The following TERB1 variants were observed in gnomAD, a reference collection of about 807,000 sequenced individuals.
TERB1 encodes telomere repeat binding bouquet formation protein 1.
A neutral mutation model predicts 92.3 loss-of-function variants in TERB1; 63 were observed. That is an observed-to-expected ratio of 0.68 (90% CI 0.56 to 0.84). The LOEUF is 0.84. TERB1 is among the 40% of genes least tolerant of loss of function. The probability of loss-of-function intolerance (pLI) is 0.00; values close to 1 mark genes in which losing one functional copy is unlikely to be tolerated. For synonymous variants in TERB1, 252 were observed against 283.9 expected, an observed-to-expected ratio of 0.89 and a Z score of 1.13; for missense variants, 709 against 843.7, an observed-to-expected ratio of 0.84 and a Z score of 1.98.
At position 66,796,791 on chromosome 16, in the gene TERB1, CT is replaced by C; in HGVS notation, c.7del (p.Ser3ValfsTer10). The C allele has an allele frequency of 3.3e-6, 5 of 1,533,702 alleles. No homozygotes were observed. The highest frequency in any genetic ancestry group is 4.4e-6 in the Non-Finnish European group (5 of 1,131,182). On this transcript the variant is annotated frameshift_variant, in exon 3 of 19. Transcript: ENST00000433154. LOFTEE classifies it high-confidence loss of function. ...ACCTTGTGTTTTCTTTGTGTCTTCACTTTCCATGCTTGTCTATATTCTTTTT... is the reference window on the plus strand; with the variant it reads ...ACCTTGTGTTTTCTTTGTGTCTTCACTTCCATGCTTGTCTATATTCTTTTT... ME[S>X]EDTKKTQEMK...
At chr16:66,765,522 A>G (rs907242824) in intron 16 of TERB1, among the ~76,000 whole-genome samples, 16 of 150,992 alleles carry the variant, frequency 1.1e-4, no homozygotes, top group Non-Finnish European at 1.8e-4. Flanking sequence ...CAATGGCATG[A>G]TCTCAGCTCA....
At position 66,785,780 on chromosome 16, in the gene TERB1, A is replaced by G. The variant is rs1235043791; in HGVS notation, c.700+6T>C. 5 of 1,522,954 alleles carry G rather than the reference A, an allele frequency of 3.3e-6. No individual in the cohort carries two copies. Among genetic ancestry groups the G allele is most frequent in the Non-Finnish European group, 2.6e-6 (3 of 1,133,178 alleles). The allele number at this position is 1,522,954 out of a possible 1,614,324, so 94.3% of individuals were successfully genotyped here. ...AACTATGACCTAGAAAATAACGAACACTTACTGTTATTTGCAAGAGTGAGT... is the reference window on the plus strand; with the variant it reads ...AACTATGACCTAGAAAATAACGAACGCTTACTGTTATTTGCAAGAGTGAGT... On this transcript the variant is annotated splice_donor_region_variant and intron_variant, in intron 9 of 18. Coordinates refer to ENST00000433154, the MANE Select transcript of TERB1 (RefSeq NM_001136505.2).
chr16:66,769,669 T>A lies in TERB1; in HGVS notation c.1619+294A>T, dbSNP rs1332434611. Among the ~76,000 whole-genome samples, 4 of 152,198 alleles carry A rather than the reference T, an allele frequency of 2.6e-5. No homozygotes were observed. The East Asian group carries it at 7.7e-4, about 29-fold the overall frequency. On this transcript the variant is annotated intron_variant, in intron 14 of 18. Transcript: ENST00000433154. ...CCGTTTAGGTTTTATTTTCTGAGTA[T>A]CCTTTCTAAAATTCAAATCTGTTAC...
At chr16:66,789,105 T>C (rs1446054889) in intron 5 of TERB1, among the ~76,000 whole-genome samples, 1 of 151,710 alleles carries the variant, frequency 6.6e-6, no homozygotes, top group East Asian at 1.9e-4. Flanking sequence ...ATAATTTAAT[T>C]GTACACTTTA....
chr16:66,779,065 A>G (rs1277913233), intron 9 of TERB1, 50 bp from the exon 10 acceptor site: 1 of 1,328,516 alleles, frequency 7.5e-7, no homozygotes, highest in Non-Finnish European at 1.0e-6. Flanking sequence ...AAGACAGCTG[A>G]ATGGTTTTAT....
chr16:66,793,399 C>T (rs762013943), intron 3 of TERB1, among the ~76,000 whole-genome samples: 4 of 151,208 alleles, frequency 2.6e-5, no homozygotes, highest in East Asian at 1.9e-4. Context: ...TGTATTTTTA[C>T]GAGAGATGGG....
chr16:66,788,485 A>T lies in TERB1; in HGVS notation c.272-188T>A, dbSNP rs1463700448. Among the ~76,000 whole-genome samples the T allele has an allele frequency of 3.3e-5, 5 of 152,302 alleles. No homozygotes were observed. The East Asian group carries it at 9.6e-4, about 29-fold the overall frequency. ...GCGCTTACTCAATTAGCAAAGAAGC[A>T]GAATATTAATCAAAAGTACTTAATC... is the stretch of plus-strand genomic sequence containing the variant. On this transcript the variant is annotated intron_variant, in intron 5 of 18. Transcript: ENST00000433154.
At chr16:66,788,629 A>G (rs1257463160) in intron 5 of TERB1, among the ~76,000 whole-genome samples, 1 of 152,114 alleles carries the variant, frequency 6.6e-6, no homozygotes, top group Non-Finnish European at 1.5e-5. Context: ...GTAACAAAAC[A>G]TAGCAAGAAA....
chr16:66,793,748 G>C (rs945322441), intron 3 of TERB1, among the ~76,000 whole-genome samples: 26 of 151,926 alleles, frequency 1.7e-4, no homozygotes, highest in African/African-American at 6.3e-4. Context: ...CCTGAGCTCA[G>C]GCAATCCATC....
chr16:66,766,753 T>G (rs1353962711), intron 16 of TERB1, among the ~76,000 whole-genome samples: 7 of 152,196 alleles, frequency 4.6e-5, no homozygotes, highest in Non-Finnish European at 1.0e-4. Flanking sequence ...CTGTGTTTAT[T>G]CATACATACA....
rs553760051 is a variant in TERB1 at position 66,785,933 on chromosome 16, G to A, written c.578-25C>T. ...TCTGAAAGAAGACAAAGTCAATCAT[G>A]ATTTAATATGACAATTGGAAAATAT... On this transcript the variant is annotated intron_variant, in intron 8 of 18. Transcript: ENST00000433154. 2.5e-5 allele frequency: 39 copies of A among 1,532,554 alleles called. No homozygotes were observed. The East Asian group carries it at 4.9e-4, about 19-fold the overall frequency. 94.9% of individuals were successfully genotyped at this position (1,532,554 alleles called of 1,614,324 possible). A position where few individuals can be genotyped will look rare whatever the true frequency, so the allele number is the denominator to read the frequency against.
intron 5 of TERB1, among the ~76,000 whole-genome samples, chr16:66,790,075 T>C (rs1474372829): frequency 6.6e-6 from 1 of 152,204 alleles, no homozygotes. Flanking sequence ...AACAATGGTT[T>C]ATATTCATCC....
intron 2 of TERB1, 75 bp from the exon 3 acceptor site, chr16:66,796,905 A>G: frequency 1.4e-6 from 1 of 727,864 alleles, no homozygotes; most frequent in Non-Finnish European, 2.2e-6. Context: ...AATGGGCGGG[A>G]AAAATTGTTT....
intron 3 of TERB1, among the ~76,000 whole-genome samples, chr16:66,793,793 C>G (rs546165147): frequency 1.3e-5 from 2 of 152,066 alleles, no homozygotes; most frequent in East Asian, 3.9e-4. Flanking sequence ...GATTACAGAC[C>G]TGAGCCACCA....
intron 9 of TERB1, among the ~76,000 whole-genome samples, chr16:66,780,722 T>G (rs990122881): frequency 6.6e-6 from 1 of 152,196 alleles, no homozygotes; most frequent in Non-Finnish European, 1.5e-5. Flanking sequence ...TATTTCAGAT[T>G]TCCTCTGATC....
At position 66,773,661 on chromosome 16, in the gene TERB1, C is replaced by T. The variant is rs539228852; in HGVS notation, c.1112-912G>A. On this transcript the variant is annotated intron_variant, in intron 12 of 18. Transcript: ENST00000433154. The stretch of plus-strand genomic sequence containing the variant: ...TCCTCCCAATGCCTTTTCTGCTCCA[C>T]GTCTAGACCAGATTCCTTTGTTATA... Among the ~76,000 whole-genome samples, 11 of 152,346 alleles carry T rather than the reference C, an allele frequency of 7.2e-5. No homozygotes were observed. The South Asian group carries it at 1.9e-3, about 26-fold the overall frequency.
At chr16:66,785,093 C>A (rs2018706138) in intron 9 of TERB1, among the ~76,000 whole-genome samples, 1 of 149,432 alleles carries the variant, frequency 6.7e-6, no homozygotes, top group South Asian at 2.1e-4. Context: ...GATCTTGGCT[C>A]ACTGCAACTT....
chr16:66,759,308 A>G lies in TERB1; in HGVS notation c.1781-18T>C, dbSNP rs746768428. ...TATGCAACCTAAAAGAAAACAAATT[A>G]AAGTTATGTGTAGATGTCACAAAAT... On this transcript the variant is annotated intron_variant, in intron 16 of 18. Coordinates refer to ENST00000433154, the MANE Select transcript of TERB1 (RefSeq NM_001136505.2). 6.6e-7 allele frequency: 1 copy of G among 1,521,824 alleles called. No individual in the cohort carries two copies. Among genetic ancestry groups the G allele is most frequent in the South Asian group, 1.3e-5 (1 of 78,696 alleles). The allele number at this position is 1,521,824 out of a possible 1,614,324, so 94.3% of individuals were successfully genotyped here.
chr16:66,763,632 CT>C (rs1240765748), intron 16 of TERB1, among the ~76,000 whole-genome samples: 2 of 152,142 alleles, frequency 1.3e-5, no homozygotes, highest in African/African-American at 4.8e-5. Context: ...AAAACTCCCT[CT>C]TTTTTTAAAT....
Sources: gnomAD v4.1 joint callset for allele counts (sites outside exome capture counted in the v4.1 genomes callset) on GRCh38, gnomAD v4.1.1 for gene constraint, MANE v1.5 for transcripts, NCBI Gene and HGNC (gene_info 2026-07-23, HGNC 2026-07-21) for gene names.